EEA1: variants seen among roughly 807,000 people sequenced by gnomAD.
The protein encoded by EEA1 is early endosome antigen 1, 162kD.
EEA1 carries 111 observed loss-of-function variants against 209.2 expected under a neutral mutation model. The observed-to-expected ratio is 0.53, with a 90% CI of 0.45 to 0.62. The LOEUF (loss-of-function observed/expected upper bound fraction) is 0.62, where lower values mean the gene tolerates loss of function less well. EEA1 is among the 20% of genes least tolerant of loss of function. The pLI, the probability that EEA1 is intolerant of heterozygous loss-of-function variation, is 0.00. For synonymous variants in EEA1, 536 were observed against 540.6 expected (o/e 0.99, Z 0.12); for missense variants, 1,343 against 1,530.8 (o/e 0.88, Z 2.05).
chr12:92,842,840 G>A (rs780759539), intron 9 of EEA1, among the ~76,000 whole-genome samples: 7 of 152,066 alleles, frequency 4.6e-5, no homozygotes, highest in Non-Finnish European at 8.8e-5. Context: ...TTAAGTTTCT[G>A]AAGTATCAAA....
chr12:92,790,607 AGAAATATGGACTGTGT>A (rs967226145), intron 21 of EEA1, among the ~76,000 whole-genome samples: 1 of 152,224 alleles, frequency 6.6e-6, no homozygotes, highest in Non-Finnish European at 1.5e-5. Flanking sequence ...AAAGCCTCCA[AGAAATATGGACTGTGT>A]GAAAAGACCA....
chr12:92,829,778 T>TAAAAAAAAAA (rs1270792347), intron 11 of EEA1, among the ~76,000 whole-genome samples: 1 of 71,228 alleles, frequency 1.4e-5, no homozygotes, highest in Non-Finnish European at 2.7e-5. Context: ...AACTCTGTCT[T>TAAAAAAAAAA]AAAAAAAAAA....
intron 15 of EEA1, among the ~76,000 whole-genome samples, chr12:92,813,669 TAACACC>T (rs1875641450): frequency 6.6e-6 from 1 of 152,202 alleles, no homozygotes; most frequent in South Asian, 2.1e-4. Flanking sequence ...TTATCAAAAG[TAACACC>T]TTTAAGTGTT....
intron 1 of EEA1, among the ~76,000 whole-genome samples, chr12:92,908,832 T>C (rs1163604733): frequency 6.6e-6 from 1 of 152,150 alleles, no homozygotes; most frequent in African/African-American, 2.4e-5. Context: ...TTTTGTTTCA[T>C]TTTTTTCCTG....
chr12:92,881,871 G>A (rs1324672365), intron 2 of EEA1, among the ~76,000 whole-genome samples: 3 of 152,016 alleles, frequency 2.0e-5, no homozygotes, highest in Non-Finnish European at 4.4e-5. Context: ...CTCGAACACC[G>A]CAAGTTTGAA....
chr12:92,842,371 T>C (rs1032658592), intron 10 of EEA1, 94 bp downstream of exon 10: 3 of 658,954 alleles, frequency 4.6e-6, no homozygotes, highest in Admixed American at 3.1e-5. Context: ...TAAGTCACAT[T>C]GTACTATGCC....
intron 9 of EEA1, among the ~76,000 whole-genome samples, chr12:92,848,996 A>C (rs780247446): frequency 3.3e-5 from 5 of 152,156 alleles, no homozygotes; most frequent in Non-Finnish European, 5.9e-5. Context: ...TCCTGGGATT[A>C]TAGAGGTGAG....
chr12:92,860,545 T>C (rs1252617083), intron 3 of EEA1, among the ~76,000 whole-genome samples: 1 of 152,200 alleles, frequency 6.6e-6, no homozygotes, highest in Non-Finnish European at 1.5e-5. Flanking sequence ...AAAAAAATTT[T>C]TTTTCTCTCA....
rs1450852764 is a variant in EEA1 at position 92,775,408 on chromosome 12, G to C, written c.*603C>G. On this transcript the variant is annotated 3_prime_UTR_variant, in exon 29 of 29. Transcript: ENST00000322349. ...TATTGTTAAAACAAAAACCATTTTT[G>C]AATTCATATTACTACATATTTTAAG... The C allele has an allele frequency of 4.0e-5, 6 of 151,666 alleles. No homozygotes were observed. The highest frequency in any genetic ancestry group is 7.4e-5 in the Non-Finnish European group (5 of 67,752). 9.4% of individuals were successfully genotyped at this position (151,666 alleles called of 1,614,324 possible). A position where few individuals can be genotyped will look rare whatever the true frequency, so the allele number is the denominator to read the frequency against.
rs576700484 is a variant in EEA1 at position 92,915,977 on chromosome 12, G to A, written c.24+13066C>T. ...AGTCAGTAAGAGACTGAGACTATCA[G>A]AACTCATTATAGATAAGTTCCTAGT... is the stretch of plus-strand genomic sequence containing the variant. On this transcript the variant is annotated intron_variant, in intron 1 of 28. Coordinates refer to ENST00000322349, the MANE Select transcript of EEA1 (RefSeq NM_003566.4). Among the ~76,000 whole-genome samples the A allele has an allele frequency of 2.0e-5, 3 of 152,210 alleles. No individual in the cohort carries two copies. The South Asian group carries it at 6.2e-4, about 32-fold the overall frequency.
intron 1 of EEA1, among the ~76,000 whole-genome samples, chr12:92,900,719 G>A (rs1346456467): frequency 9.9e-5 from 15 of 151,092 alleles, no homozygotes; most frequent in Non-Finnish European, 1.8e-4. Context: ...CCCAGGCTGG[G>A]GTACAATGGT....
At chr12:92,841,436 C>T (rs1398773700) in intron 10 of EEA1, among the ~76,000 whole-genome samples, 2 of 151,946 alleles carry the variant, frequency 1.3e-5, no homozygotes, top group Non-Finnish European at 2.9e-5. Context: ...CCAAATAGAC[C>T]TTAACAAAAA....
At chr12:92,827,882 C>G (rs769911022) in intron 12 of EEA1, 30 bp downstream of exon 12, 5 of 1,511,826 alleles carry the variant, frequency 3.3e-6, no homozygotes, top group Non-Finnish European at 4.4e-6. Context: ...ATGCCTCAAG[C>G]CTATCAATAA....
intron 10 of EEA1, among the ~76,000 whole-genome samples, chr12:92,839,344 G>T (rs1033064260): frequency 6.6e-6 from 1 of 152,148 alleles, no homozygotes; most frequent in African/African-American, 2.4e-5. Context: ...CTCGGTTTCA[G>T]ATTCCACATT....
chr12:92,873,385 A>G (rs536834830), intron 2 of EEA1, among the ~76,000 whole-genome samples: 1 of 152,344 alleles, frequency 6.6e-6, no homozygotes, highest in South Asian at 2.1e-4. Flanking sequence ...GAGAATATGA[A>G]GAAGAAAGTT....
intron 1 of EEA1, among the ~76,000 whole-genome samples, chr12:92,902,871 T>C (rs1341055764): frequency 1.3e-5 from 2 of 151,420 alleles, no homozygotes; most frequent in Non-Finnish European, 2.9e-5. Flanking sequence ...TTATAAATCA[T>C]AAGCAACCTA....
intron 10 of EEA1, among the ~76,000 whole-genome samples, chr12:92,838,834 T>C (rs1199037564): frequency 6.6e-6 from 1 of 152,088 alleles, no homozygotes; most frequent in Non-Finnish European, 1.5e-5. Context: ...ATGGACCATT[T>C]CTCCTCCACA....
chr12:92,825,140 A>C (rs1016893238), intron 13 of EEA1, among the ~76,000 whole-genome samples: 3 of 152,194 alleles, frequency 2.0e-5, no homozygotes, highest in Non-Finnish European at 4.4e-5. Flanking sequence ...AATGAATTAA[A>C]GCCGGGTGCA....
chr12:92,798,269 T>C (rs1486567651), intron 21 of EEA1, among the ~76,000 whole-genome samples: 1 of 152,216 alleles, frequency 6.6e-6, no homozygotes, highest in Non-Finnish European at 1.5e-5. Context: ...GAATGATTTA[T>C]TTTAAATTCC....
Sources: allele counts gnomAD v4.1 joint callset (sites outside exome capture counted in the v4.1 genomes callset), GRCh38; gene constraint gnomAD v4.1.1; transcripts MANE v1.5; gene names NCBI Gene and HGNC (gene_info 2026-07-23, HGNC 2026-07-21).